KCNT2: variants seen among roughly 807,000 people sequenced by gnomAD.
The protein encoded by KCNT2 is potassium channel subfamily T member 2.
KCNT2 carries 67 observed loss-of-function variants against 153.8 expected under a neutral mutation model. The observed-to-expected ratio is 0.44, with a 90% CI of 0.36 to 0.53. KCNT2 has a LOEUF of 0.53. Among genes scored for constraint, KCNT2 ranks in the 20% least tolerant of loss-of-function variants. The probability of loss-of-function intolerance (pLI) is 0.00; values close to 1 mark genes in which losing one functional copy is unlikely to be tolerated. For missense variants in KCNT2, 975 were observed against 1,354.8 expected (o/e 0.72, Z 4.40); for synonymous variants, 500 against 458.8 (o/e 1.09, Z -1.15).
chr1:196,511,124 C>CAA (rs1433872151), intron 1 of KCNT2, among the ~76,000 whole-genome samples: 13 of 50,064 alleles, frequency 2.6e-4, no homozygotes, highest in African/African-American at 6.8e-4. Context: ...ACAACACACA[C>CAA]ACACACACAC....
intron 3 of KCNT2, among the ~76,000 whole-genome samples, chr1:196,486,515 G>C (rs1679432024): frequency 6.6e-6 from 1 of 151,906 alleles, no homozygotes; most frequent in Non-Finnish European, 1.5e-5. Context: ...GAACACTTAT[G>C]AACTGTCTTA....
intron 1 of KCNT2, among the ~76,000 whole-genome samples, chr1:196,547,075 G>A (rs1485555058): frequency 6.6e-6 from 1 of 151,956 alleles, no homozygotes; most frequent in Non-Finnish European, 1.5e-5. Flanking sequence ...ATGGGATTTA[G>A]CCTTCTAGTA....
At chr1:196,341,946 G>T in intron 15 of KCNT2, 133 bp downstream of exon 15, 1 of 761,458 alleles carries the variant, frequency 1.3e-6, no homozygotes, top group Non-Finnish European at 2.0e-6. Flanking sequence ...TTTCAACATT[G>T]GGGAATATTG....
chr1:196,334,691 C>T (rs1021817517), intron 16 of KCNT2, among the ~76,000 whole-genome samples: 6 of 151,760 alleles, frequency 4.0e-5, no homozygotes, highest in African/African-American at 1.2e-4. Context: ...TTATTGAGTG[C>T]CACATATGGG....
intron 1 of KCNT2, among the ~76,000 whole-genome samples, chr1:196,589,469 T>A (rs528535351): frequency 6.6e-6 from 1 of 152,232 alleles, no homozygotes. Flanking sequence ...AATAGTTTAT[T>A]AGCAAATAAA....
intron 1 of KCNT2, among the ~76,000 whole-genome samples, chr1:196,497,896 T>C (rs1410782728): frequency 1.3e-5 from 2 of 152,282 alleles, no homozygotes; most frequent in East Asian, 3.9e-4. Flanking sequence ...GTTTTTCTTC[T>C]ACAGTAATAA....
intron 20 of KCNT2, chr1:196,317,309 A>G: frequency 2.2e-6 from 1 of 450,910 alleles, no homozygotes; most frequent in South Asian, 1.6e-5. Flanking sequence ...ATTTCCTATG[A>G]TAAGAGGGGC....
At chr1:196,494,010 T>C (rs1346942832) in intron 1 of KCNT2, among the ~76,000 whole-genome samples, 1 of 152,192 alleles carries the variant, frequency 6.6e-6, no homozygotes, top group Non-Finnish European at 1.5e-5. Context: ...ATGATATCTT[T>C]TAGCAGAACA....
intron 25 of KCNT2, among the ~76,000 whole-genome samples, chr1:196,267,222 A>T (rs1657628010): frequency 6.6e-6 from 1 of 152,236 alleles, no homozygotes; most frequent in Middle Eastern, 3.2e-3. Context: ...TGACACACTC[A>T]TTCAGGATGA....
At chr1:196,364,865 T>G (rs1174797805) in intron 14 of KCNT2, among the ~76,000 whole-genome samples, 2 of 152,140 alleles carry the variant, frequency 1.3e-5, no homozygotes, top group African/African-American at 4.8e-5. Context: ...AATAAGTTAA[T>G]GAAGAACTTC....
chr1:196,477,076 A>AT (rs996911575), intron 5 of KCNT2, among the ~76,000 whole-genome samples: 10 of 151,936 alleles, frequency 6.6e-5, no homozygotes, highest in African/African-American at 2.4e-4. Flanking sequence ...ATCCACCTAT[A>AT]TTTTTTAAAG....
chr1:196,427,259 T>C (rs555475075), intron 10 of KCNT2, among the ~76,000 whole-genome samples: 5 of 152,046 alleles, frequency 3.3e-5, no homozygotes, highest in Non-Finnish European at 7.4e-5. Context: ...GATTCTATCA[T>C]TTAAGAATCA....
At chr1:196,258,627 G>A (rs1057487911) in intron 25 of KCNT2, 133 bp from the exon 26 acceptor site, 1 of 742,282 alleles carries the variant, frequency 1.3e-6, no homozygotes, top group Admixed American at 2.4e-5. Flanking sequence ...AGCAAAATCA[G>A]TCTTTGATTC....
chr1:196,500,576 A>C (rs930351470), intron 1 of KCNT2, among the ~76,000 whole-genome samples: 4 of 152,236 alleles, frequency 2.6e-5, no homozygotes, highest in African/African-American at 9.6e-5. Flanking sequence ...CATGTTTGTT[A>C]AGGTCTGCCC....
intron 18 of KCNT2, among the ~76,000 whole-genome samples, chr1:196,328,679 A>C (rs1383907745): frequency 6.6e-6 from 1 of 151,822 alleles, no homozygotes; most frequent in Non-Finnish European, 1.5e-5. Flanking sequence ...CTGGACTTGC[A>C]CACAAAGTAA....
At chr1:196,471,722 C>A (rs933043806) in intron 5 of KCNT2, among the ~76,000 whole-genome samples, 16 of 151,770 alleles carry the variant, frequency 1.1e-4, no homozygotes, top group African/African-American at 3.9e-4. Flanking sequence ...TTTTATCTCT[C>A]TTATGTCTCT....
chr1:196,350,186 T>C (rs544010491), intron 14 of KCNT2, among the ~76,000 whole-genome samples: 6 of 152,302 alleles, frequency 3.9e-5, no homozygotes, highest in African/African-American at 7.2e-5. Context: ...TGTGTCTTTA[T>C]AGCAGCATGA....
chr1:196,360,825 C>T (rs1051931299), intron 14 of KCNT2, among the ~76,000 whole-genome samples: 12 of 152,034 alleles, frequency 7.9e-5, no homozygotes, highest in African/African-American at 2.7e-4. Context: ...GTTTAAGCCA[C>T]CCAGTCTGTG....
intron 22 of KCNT2, among the ~76,000 whole-genome samples, chr1:196,286,747 T>A (rs1034818568): frequency 6.6e-6 from 1 of 151,882 alleles, no homozygotes; most frequent in African/African-American, 2.4e-5. Flanking sequence ...CTGTTGCAAT[T>A]TTTTTTTCCT....
Sources: gnomAD v4.1 joint callset for allele counts (sites outside exome capture counted in the v4.1 genomes callset) on GRCh38, gnomAD v4.1.1 for gene constraint, MANE v1.5 for transcripts, NCBI Gene and HGNC (gene_info 2026-07-23, HGNC 2026-07-21) for gene names.